The following ADA2 variants were observed in gnomAD, a reference collection of about 807,000 sequenced individuals.
ADA2 encodes the protein adenosine deaminase 2.
ADA2 carries 29 observed loss-of-function variants against 44.2 expected under a neutral mutation model. The observed-to-expected ratio is 0.66, with a 90% confidence interval of 0.49 to 0.89. ADA2 has a LOEUF of 0.89. Ranked by LOEUF, ADA2 falls within the 40% of genes least tolerant of loss-of-function variation. ADA2 has a pLI of 0.00. For missense variants in ADA2, 637 were observed against 644.8 expected (o/e 0.99, Z 0.13); for synonymous variants, 215 against 234.9 (o/e 0.92, Z 0.77).
intron 3 of ADA2, among the ~76,000 whole-genome samples, chr22:17,205,363 C>G (rs2062342831): frequency 6.6e-6 from 1 of 152,124 alleles, no homozygotes; most frequent in African/African-American, 2.4e-5. Context: ...ATCCTCCCAC[C>G]TCAGCCTCCC....
At chr22:17,217,994 G>A (rs570650261) in intron 1 of ADA2, among the ~76,000 whole-genome samples, 24 of 152,114 alleles carry the variant, frequency 1.6e-4, no homozygotes, top group Non-Finnish European at 3.1e-4. Context: ...CCAGATCTCA[G>A]TGTCCTCACC....
At chr22:17,200,709 C>A (rs987264525) in intron 4 of ADA2, among the ~76,000 whole-genome samples, 4 of 151,986 alleles carry the variant, frequency 2.6e-5, no homozygotes, top group African/African-American at 4.8e-5. Context: ...TGGTAAAACC[C>A]TGTCTCTACT....
At chr22:17,190,076 ACAGAGCACAAACCC>A in intron 5 of ADA2, 44 bp from the exon 6 acceptor site, 1 of 1,440,082 alleles carries the variant, frequency 6.9e-7, no homozygotes, top group South Asian at 1.1e-5. Context: ...CCCAGCACCG[ACAGAGCACAAACCC>A]CAGAGCACAC....
At chr22:17,202,641 C>T (rs1356003974) in intron 4 of ADA2, among the ~76,000 whole-genome samples, 2 of 152,178 alleles carry the variant, frequency 1.3e-5, no homozygotes, top group Non-Finnish European at 2.9e-5. Context: ...AAAAAGAAAC[C>T]TGTGGCCCCT....
chr22:17,191,859 C>T, intron 4 of ADA2, 49 bp from the exon 5 acceptor site: 2 of 1,567,516 alleles, frequency 1.3e-6, no homozygotes, highest in Non-Finnish European at 1.7e-6. Context: ...GTGAGAGACG[C>T]CACCCCCTTC....
Position 17,181,497 on chromosome 22 carries a change from C to T in ADA2, c.1522G>A (p.Val508Met), listed in dbSNP as rs767440845. 13 of 1,611,600 alleles carry T rather than the reference C, an allele frequency of 8.1e-6. No individual in the cohort carries two copies. The Admixed American group carries it at 1.8e-4, about 23-fold the overall frequency. Residue 508 changes from valine (V) to methionine (M), a missense_variant, in exon 10 of 10, where the codon GTG becomes ATG. Coordinates refer to ENST00000399837, the MANE Select transcript of ADA2 (RefSeq NM_001282225.2). ...CTAGCTTCTCCTCACTTTGTAGCCACATCTGCTATGAACTTATCCCATCTC... is the reference window on the plus strand; with the variant it reads ...CTAGCTTCTCCTCACTTTGTAGCCATATCTGCTATGAACTTATCCCATCTC... Reference protein sequence around the residue: ...KKRWDKFIADVATK With the variant: ...KKRWDKFIADMATK
intron 3 of ADA2, among the ~76,000 whole-genome samples, chr22:17,204,010 C>T (rs1463465535): frequency 6.6e-6 from 1 of 152,202 alleles, no homozygotes; most frequent in Non-Finnish European, 1.5e-5. Context: ...CAGGAGACTG[C>T]TTAAGATGAG....
intron 4 of ADA2, among the ~76,000 whole-genome samples, chr22:17,197,310 C>T (rs1448099169): frequency 6.6e-6 from 1 of 151,490 alleles, no homozygotes; most frequent in African/African-American, 2.4e-5. Context: ...CTCTGCGGCC[C>T]AGGCTGCAGT....
At chr22:17,198,394 T>C (rs186876069) in intron 4 of ADA2, among the ~76,000 whole-genome samples, 51 of 152,284 alleles carry the variant, frequency 3.3e-4, no homozygotes, top group African/African-American at 1.1e-3. Flanking sequence ...AATAGCACAA[T>C]GACAGCATAG....
chr22:17,189,900 G>T (rs759193178), intron 6 of ADA2, 42 bp downstream of exon 6: 2 of 1,416,542 alleles, frequency 1.4e-6, no homozygotes, highest in Middle Eastern at 1.8e-4. Context: ...ATCCTCGCAT[G>T]CCCCCTTAAC....
chr22:17,195,599 AGGCT>A (rs2123671783), intron 4 of ADA2, among the ~76,000 whole-genome samples: 1 of 152,118 alleles, frequency 6.6e-6, no homozygotes, highest in South Asian at 2.1e-4. Flanking sequence ...CGTGTCGTCC[AGGCT>A]GGAGTGTGGT....
At chr22:17,218,317 C>T (rs550661458) in intron 1 of ADA2, among the ~76,000 whole-genome samples, 2 of 152,256 alleles carry the variant, frequency 1.3e-5, no homozygotes, top group Admixed American at 6.5e-5. Flanking sequence ...TTCTGTAGTA[C>T]ATCAGATAGC....
rs778836015 is a variant in ADA2 at position 17,181,432 on chromosome 22, A to G, written c.*51T>C. 1 of 1,170,856 alleles carries G rather than the reference A, an allele frequency of 8.5e-7. No individual in the cohort carries two copies. Among genetic ancestry groups the G allele is most frequent in the East Asian group, 2.3e-5 (1 of 42,862 alleles). The allele number at this position is 1,170,856 out of a possible 1,614,324, so 72.5% of individuals were successfully genotyped here. A position where few individuals can be genotyped will look rare whatever the true frequency, so the allele number is the denominator to read the frequency against. On this transcript the variant is annotated 3_prime_UTR_variant, in exon 10 of 10. Transcript: ENST00000399837. ...GCTGATTCAAGAACGAGTGAGAGGA[A>G]GTGACAGCGTGTGCAAGAAGACAGC...
At chr22:17,192,953 CA>C (rs2062139264) in intron 4 of ADA2, 1 of 601,218 alleles carries the variant, frequency 1.7e-6, no homozygotes, top group Admixed American at 2.1e-5. Context: ...AAAAGAGAAC[CA>C]AAAAGTTCAT....
At chr22:17,221,385 C>T (rs547547114), upstream of ADA2, among the ~76,000 whole-genome samples, 3 of 151,936 alleles carry the variant, frequency 2.0e-5, no homozygotes, top group Admixed American at 6.6e-5. Context: ...TTTGCTGCAC[C>T]CATCAACACA....
At chr22:17,189,896 G>C (rs2231493) in intron 6 of ADA2, 46 bp downstream of exon 6, 3 of 1,392,350 alleles carry the variant, frequency 2.2e-6, no homozygotes, top group South Asian at 1.2e-5. Flanking sequence ...AGGCATCCTC[G>C]CATGCCCCCT....
At chr22:17,186,229 C>T (rs1159876923) in intron 7 of ADA2, among the ~76,000 whole-genome samples, 4 of 152,210 alleles carry the variant, frequency 2.6e-5, no homozygotes, top group Non-Finnish European at 5.9e-5. Flanking sequence ...CAGTTAACCT[C>T]TCAAGCACAA....
Position 17,209,688 on chromosome 22 carries a change from G to A in ADA2, c.-11C>T. 1.9e-6 allele frequency: 3 copies of A among 1,607,464 alleles called. No individual in the cohort carries two copies. The highest frequency in any genetic ancestry group is 2.5e-6 in the Non-Finnish European group (3 of 1,177,618). Reference sequence around the variant, plus strand: ...GCCATCCACCAACATCGGGATGCCTGGACTAGGAAAGGGCTCAGATGGAGA... The same window carrying A: ...GCCATCCACCAACATCGGGATGCCTAGACTAGGAAAGGGCTCAGATGGAGA... On this transcript the variant is annotated 5_prime_UTR_variant, in exon 2 of 10. Coordinates refer to ENST00000399837, the MANE Select transcript of ADA2 (RefSeq NM_001282225.2).
intron 4 of ADA2, chr22:17,199,709 G>A (rs2062250238): frequency 1.3e-6 from 2 of 1,550,954 alleles, no homozygotes; most frequent in Admixed American, 3.9e-5. Flanking sequence ...GCCCTGGTCT[G>A]GGTCCAGCCA....
Sources: allele counts gnomAD v4.1 joint callset (sites outside exome capture counted in the v4.1 genomes callset), GRCh38; gene constraint gnomAD v4.1.1; transcripts MANE v1.5; gene names NCBI Gene and HGNC (gene_info 2026-07-23, HGNC 2026-07-21).